LAMA2: variants seen among roughly 807,000 people sequenced by gnomAD.
LAMA2 encodes the protein laminin subunit alpha 2, also known as laminin subunit alpha-2.
A neutral mutation model predicts 364.8 loss-of-function variants in LAMA2; 269 were observed. That is an observed-to-expected ratio of 0.74 (90% CI 0.67 to 0.82). The LOEUF is 0.82. LAMA2 is among the 40% of genes least tolerant of loss of function. LAMA2 has a pLI of 0.00. For missense variants in LAMA2, 3,807 were observed against 3,873.2 expected, an observed-to-expected ratio of 0.98 and a Z score of 0.45; for synonymous variants, 1,379 against 1,370.6, an observed-to-expected ratio of 1.01 and a Z score of -0.14.
chr6:128,891,467 G>GA (rs1246463292), intron 1 of LAMA2, among the ~76,000 whole-genome samples: 1 of 152,028 alleles, frequency 6.6e-6, no homozygotes, highest in Non-Finnish European at 1.5e-5. Context: ...CTGAAAGTTT[G>GA]AAAGAGAATA....
intron 1 of LAMA2, among the ~76,000 whole-genome samples, chr6:128,940,466 T>A (rs1780082404): frequency 1.3e-5 from 2 of 152,238 alleles, no homozygotes; most frequent in South Asian, 4.1e-4. Flanking sequence ...GCTTCCACAT[T>A]GTCTGGTACA....
intron 1 of LAMA2, among the ~76,000 whole-genome samples, chr6:128,911,571 G>C (rs1170677152): frequency 6.6e-6 from 1 of 152,300 alleles, no homozygotes; most frequent in South Asian, 2.1e-4. Context: ...CGGTACCTCA[G>C]ATGGAAAAGC....
chr6:128,914,309 G>C (rs1778167546), intron 1 of LAMA2, among the ~76,000 whole-genome samples: 1 of 152,158 alleles, frequency 6.6e-6, no homozygotes, highest in Non-Finnish European at 1.5e-5. Flanking sequence ...GGAGATAAAT[G>C]CTACTTAAAT....
chr6:129,062,631 G>T lies in LAMA2; in HGVS notation c.396+2735G>T, dbSNP rs187906008. Among the ~76,000 whole-genome samples, 4 of 152,198 alleles carry T rather than the reference G, an allele frequency of 2.6e-5. No individual in the cohort carries two copies. The East Asian group carries it at 7.7e-4, about 29-fold the overall frequency. On this transcript the variant is annotated intron_variant, in intron 3 of 64. Coordinates refer to ENST00000421865, the MANE Select transcript of LAMA2 (RefSeq NM_000426.4). ...TGTCTTTTCTACCTACCGCATGAAG[G>T]ATTAATAGGTTATTCAAAATAAGAT...
chr6:129,137,455 C>T (rs1430645858), intron 4 of LAMA2, among the ~76,000 whole-genome samples: 1 of 151,904 alleles, frequency 6.6e-6, no homozygotes, highest in Non-Finnish European at 1.5e-5. Flanking sequence ...ATAAATGGCT[C>T]TACTAGTATA....
intron 16 of LAMA2, 117 bp from the exon 17 acceptor site, chr6:129,270,507 A>T (rs867882815): frequency 2.5e-5 from 25 of 1,005,256 alleles, no homozygotes; most frequent in Non-Finnish European, 3.7e-5. Flanking sequence ...ACCATTTAAC[A>T]TGGAAAAATT....
chr6:129,362,398 C>T (rs1583576315), intron 32 of LAMA2, among the ~76,000 whole-genome samples: 1 of 152,126 alleles, frequency 6.6e-6, no homozygotes, highest in Non-Finnish European at 1.5e-5. Flanking sequence ...CCGGCCAACC[C>T]CAACCTCTTC....
intron 4 of LAMA2, among the ~76,000 whole-genome samples, chr6:129,134,946 C>T (rs1414275849): frequency 6.6e-6 from 1 of 152,168 alleles, no homozygotes; most frequent in Non-Finnish European, 1.5e-5. Flanking sequence ...TGGAACTATC[C>T]TTTGGCTTAG....
intron 1 of LAMA2, among the ~76,000 whole-genome samples, chr6:129,014,587 A>G (rs776814234): frequency 3.5e-4 from 53 of 152,162 alleles, no homozygotes; most frequent in Non-Finnish European, 6.5e-4. Context: ...TACAAAGCAG[A>G]AGAAAGATGT....
chr6:129,457,302 T>C (rs553290473), intron 48 of LAMA2, among the ~76,000 whole-genome samples: 2 of 152,232 alleles, frequency 1.3e-5, no homozygotes, highest in African/African-American at 4.8e-5. Flanking sequence ...CACGCTGAAG[T>C]TATCCTCGTT....
intron 12 of LAMA2, among the ~76,000 whole-genome samples, chr6:129,228,624 A>T (rs991233523): frequency 6.6e-6 from 1 of 152,244 alleles, no homozygotes; most frequent in African/African-American, 2.4e-5. Context: ...TGTGTATAAT[A>T]CAGCTAGAAA....
At chr6:129,434,201 C>A (rs1033717875) in intron 41 of LAMA2, among the ~76,000 whole-genome samples, 1 of 152,120 alleles carries the variant, frequency 6.6e-6, no homozygotes, top group Non-Finnish European at 1.5e-5. Context: ...CTCTGCCCTG[C>A]GATTTTTATT....
intron 4 of LAMA2, among the ~76,000 whole-genome samples, chr6:129,106,726 A>G (rs1775843246): frequency 6.6e-6 from 1 of 151,988 alleles, no homozygotes; most frequent in Non-Finnish European, 1.5e-5. Context: ...CACACACATA[A>G]AATACATAAT....
chr6:129,016,832 A>G (rs1480859293), intron 1 of LAMA2, among the ~76,000 whole-genome samples: 1 of 151,656 alleles, frequency 6.6e-6, no homozygotes, highest in Non-Finnish European at 1.5e-5. Context: ...AGTTGAGATT[A>G]TTCAAAGGTA....
At chr6:128,912,863 C>T (rs1582661760) in intron 1 of LAMA2, among the ~76,000 whole-genome samples, 1 of 152,068 alleles carries the variant, frequency 6.6e-6, no homozygotes, top group African/African-American at 2.4e-5. Context: ...GGAATTTGGA[C>T]TGAGTTTTGA....
chr6:129,350,572 G>A (rs1293509757), intron 31 of LAMA2, among the ~76,000 whole-genome samples: 1 of 152,204 alleles, frequency 6.6e-6, no homozygotes, highest in Non-Finnish European at 1.5e-5. Context: ...GCACTCCATG[G>A]AATCAGGCTA....
intron 34 of LAMA2, among the ~76,000 whole-genome samples, chr6:129,379,904 A>G (rs1778584903): frequency 6.6e-6 from 1 of 152,204 alleles, no homozygotes; most frequent in Non-Finnish European, 1.5e-5. Flanking sequence ...TAGAACTTCC[A>G]AGGGATCATT....
chr6:129,381,976 C>A (rs959512388), intron 34 of LAMA2, among the ~76,000 whole-genome samples: 2 of 152,256 alleles, frequency 1.3e-5, no homozygotes, highest in Middle Eastern at 6.8e-3. Context: ...TCACAAAATG[C>A]AGTACAATTC....
At chr6:129,190,424 C>T in intron 11 of LAMA2, 79 bp downstream of exon 11, 2 of 1,417,364 alleles carry the variant, frequency 1.4e-6, no homozygotes, top group East Asian at 2.3e-5. Context: ...TTTGTATGAA[C>T]AGTTTCTGAT....
Sources: allele counts gnomAD v4.1 joint callset (sites outside exome capture counted in the v4.1 genomes callset), GRCh38; gene constraint gnomAD v4.1.1; transcripts MANE v1.5; gene names NCBI Gene and HGNC (gene_info 2026-07-23, HGNC 2026-07-21).